Variants in NKAIN2 observed in about 807,000 individuals in gnomAD.
NKAIN2 encodes the protein sodium/potassium-transporting ATPase subunit beta-1-interacting protein 2.
NKAIN2 carries 14 observed loss-of-function variants against 32.6 expected under a neutral mutation model. The ratio of observed to expected loss-of-function variants is 0.43; its 90% CI spans 0.28 to 0.67. The LOEUF is 0.67. NKAIN2 is among the 30% of genes least tolerant of loss of function. NKAIN2 has a pLI of 0.17. For missense variants in NKAIN2, 198 were observed against 258.3 expected (o/e 0.77, Z 1.60); for synonymous variants, 80 against 87.2 (o/e 0.92, Z 0.46).
intron 3 of NKAIN2, among the ~76,000 whole-genome samples, chr6:124,591,565 C>CA (rs771820054): frequency 2.2e-4 from 34 of 151,986 alleles, no homozygotes; most frequent in Middle Eastern, 6.8e-3. Flanking sequence ...CTGTCCACTG[C>CA]AAAAAAATAA....
At chr6:124,686,273 G>T (rs550723417) in intron 4 of NKAIN2, among the ~76,000 whole-genome samples, 1 of 152,290 alleles carries the variant, frequency 6.6e-6, no homozygotes, top group East Asian at 1.9e-4. Context: ...TTCTCTCGCT[G>T]CTATAAGGAA....
intron 3 of NKAIN2, among the ~76,000 whole-genome samples, chr6:124,379,010 T>G (rs1800107780): frequency 6.8e-6 from 1 of 147,414 alleles, no homozygotes; most frequent in South Asian, 2.2e-4. Flanking sequence ...GAGGATGACC[T>G]GGGCCCAGGA....
chr6:124,387,855 C>A (rs1393380267), intron 3 of NKAIN2, among the ~76,000 whole-genome samples: 8 of 152,140 alleles, frequency 5.3e-5, no homozygotes, highest in Middle Eastern at 3.4e-3. Flanking sequence ...GAAATACTAG[C>A]CAAATTAAGA....
At chr6:124,423,893 T>G (rs1774863284) in intron 3 of NKAIN2, among the ~76,000 whole-genome samples, 1 of 152,230 alleles carries the variant, frequency 6.6e-6, no homozygotes, top group African/African-American at 2.4e-5. Flanking sequence ...AATTTTTTTG[T>G]TCTTTATAAG....
Position 124,429,811 on chromosome 6 carries a change from TTTTC to T in NKAIN2, c.273+74465_273+74468del, listed in dbSNP as rs1775135570. On this transcript the variant is annotated intron_variant, in intron 3 of 6. Coordinates refer to ENST00000368417, the MANE Select transcript of NKAIN2 (RefSeq NM_001040214.3). ...CTACTGCTCCCCTTGCTGCCAGGTC[TTTTC>T]ACGTCCCTGGGCCTATCCTGAATTG... is the stretch of plus-strand genomic sequence containing the variant. Among the ~76,000 whole-genome samples, 5 of 152,124 alleles carry T rather than the reference TTTTC, an allele frequency of 3.3e-5. No homozygotes were observed. The South Asian group carries it at 1.0e-3, about 31-fold the overall frequency.
At chr6:124,434,514 A>C (rs1775354894) in intron 3 of NKAIN2, among the ~76,000 whole-genome samples, 1 of 152,178 alleles carries the variant, frequency 6.6e-6, no homozygotes, top group Non-Finnish European at 1.5e-5. Flanking sequence ...TGTTAGTTCC[A>C]AAAGACAACA....
rs549849903 is a variant in NKAIN2, at chr6:124,283,633, T to C, written c.192+491T>C. 2.0e-5 allele frequency among the ~76,000 whole-genome samples: 3 copies of C among 152,328 alleles called. No homozygotes were observed. The South Asian group carries it at 6.2e-4, about 32-fold the overall frequency. ...TGGACAGTTGCCTCTGTGTTCTCCA[T>C]AATTCTCTTTTTGGCTTGAAGGAAG... On this transcript the variant is annotated intron_variant, in intron 2 of 6. Transcript: ENST00000368417.
chr6:124,530,553 C>T (rs1012546003), intron 3 of NKAIN2, among the ~76,000 whole-genome samples: 2 of 152,122 alleles, frequency 1.3e-5, no homozygotes, highest in Non-Finnish European at 2.9e-5. Flanking sequence ...TCATTCAAAA[C>T]CGAGCTGTGC....
intron 1 of NKAIN2, among the ~76,000 whole-genome samples, chr6:124,273,271 G>A (rs2626092): frequency 0.3 from 45,692 of 151,914 alleles, 7,851 homozygotes; most frequent in African/African-American, 0.45. Context: ...TGGATCCTGG[G>A]GGCAGTTTCC....
intron 3 of NKAIN2, among the ~76,000 whole-genome samples, chr6:124,362,917 C>G (rs548315473): frequency 6.6e-6 from 1 of 152,222 alleles, no homozygotes; most frequent in East Asian, 1.9e-4. Flanking sequence ...TCACTGTAGC[C>G]TCCGCCTCCC....
chr6:123,913,325 A>G (rs76763975), intron 1 of NKAIN2, among the ~76,000 whole-genome samples: 1,594 of 152,302 alleles, frequency 0.01, 25 homozygotes, highest in African/African-American at 0.037. Context: ...AGTTCTGCAA[A>G]TAAAGGTTAG....
At chr6:124,475,936 A>C (rs967563584) in intron 3 of NKAIN2, among the ~76,000 whole-genome samples, 1 of 152,102 alleles carries the variant, frequency 6.6e-6, no homozygotes, top group Non-Finnish European at 1.5e-5. Context: ...TTTGTGTGGT[A>C]GCTTTTTCTA....
chr6:123,812,694 C>T (rs115994118), intron 1 of NKAIN2, among the ~76,000 whole-genome samples: 2,720 of 152,278 alleles, frequency 0.018, 87 homozygotes, highest in African/African-American at 0.057. Context: ...TCTAGGCAGG[C>T]TAGCTTTTCC....
chr6:124,070,684 C>G (rs1783417056), intron 1 of NKAIN2, among the ~76,000 whole-genome samples: 1 of 152,110 alleles, frequency 6.6e-6, no homozygotes, highest in Admixed American at 6.6e-5. Context: ...TGAATGACTT[C>G]TATTGCCCAT....
At chr6:124,505,654 T>C (rs972372331) in intron 3 of NKAIN2, among the ~76,000 whole-genome samples, 21 of 152,192 alleles carry the variant, frequency 1.4e-4, no homozygotes, top group Non-Finnish European at 2.4e-4. Context: ...TTAATCACAA[T>C]ACTGCATCTA....
intron 3 of NKAIN2, among the ~76,000 whole-genome samples, chr6:124,431,078 G>T (rs1225811146): frequency 2.0e-5 from 3 of 152,144 alleles, no homozygotes; most frequent in Non-Finnish European, 4.4e-5. Context: ...TATTTTTAGA[G>T]AGACTAATTC....
chr6:124,196,569 A>G (rs948938726), intron 1 of NKAIN2, among the ~76,000 whole-genome samples: 3 of 152,000 alleles, frequency 2.0e-5, no homozygotes, highest in Non-Finnish European at 2.9e-5. Context: ...ATGTTTATAT[A>G]CCCAACCTTT....
Position 123,904,603 on chromosome 6 carries a change from T to C in NKAIN2, c.54+100349T>C, listed in dbSNP as rs188724060. 4.1e-4 allele frequency among the ~76,000 whole-genome samples: 62 copies of C among 152,310 alleles called. 1 individual carries two copies. In the East Asian group the frequency reaches 0.011, roughly 28 times the overall value. On this transcript the variant is annotated intron_variant, in intron 1 of 6. Transcript: ENST00000368417. ...AGCACTGGATGTTTTTCTCCAAAAG[T>C]GTTATACATGGAAGGGGAAGGGGGT...
At chr6:124,482,477 A>G (rs1480218226) in intron 3 of NKAIN2, among the ~76,000 whole-genome samples, 1 of 152,164 alleles carries the variant, frequency 6.6e-6, no homozygotes, top group African/African-American at 2.4e-5. Context: ...ATGCCTCTCC[A>G]TCTTCACCCT....
Sources: allele counts gnomAD v4.1 joint callset (sites outside exome capture counted in the v4.1 genomes callset), GRCh38; gene constraint gnomAD v4.1.1; transcripts MANE v1.5; gene names NCBI Gene and HGNC (gene_info 2026-07-23, HGNC 2026-07-21).